The following FHL1 variants were observed in gnomAD, a reference collection of about 807,000 sequenced individuals.
FHL1 encodes four and a half LIM domains 1.
FHL1 carries 1 observed loss-of-function variant against 20.3 expected under a neutral mutation model. The ratio of observed to expected loss-of-function variants is 0.05; its 90% CI spans 0.02 to 0.23. The LOEUF (loss-of-function observed/expected upper bound fraction) is 0.23, where lower values mean the gene tolerates loss of function less well. Among genes scored for constraint, FHL1 ranks in the 10% least tolerant of loss-of-function variants. FHL1 has a pLI of 1.00. For synonymous variants in FHL1, 82 were observed against 88.9 expected (o/e 0.92, Z 0.44); for missense variants, 177 against 234.0 (o/e 0.76, Z 1.59).
At chrX:136,190,399 G>A (rs769152393) in intron 2 of FHL1, among the ~76,000 whole-genome samples, 1 of 111,854 alleles carries the variant, frequency 8.9e-6, no homozygotes, top group East Asian at 2.8e-4. Flanking sequence ...TCAGCTCTGC[G>A]TCAACTACTG....
chrX:136,185,175 A>G (rs1301816444), intron 2 of FHL1, among the ~76,000 whole-genome samples: 1 of 112,566 alleles, frequency 8.9e-6, no homozygotes, highest in East Asian at 2.8e-4. Context: ...AATTTGCTAA[A>G]AGTGTTTTAA....
intron 1 of FHL1, chrX:136,147,811 C>G (rs1350566698): frequency 9.3e-6 from 1 of 107,766 alleles, no homozygotes; most frequent in Non-Finnish European, 1.9e-5. Flanking sequence ...TCGCTGAGGC[C>G]GGGGGCCAGG....
At chrX:136,155,790 CT>C (rs943339992) in intron 1 of FHL1, among the ~76,000 whole-genome samples, 3 of 97,185 alleles carry the variant, frequency 3.1e-5, no homozygotes, top group African/African-American at 1.1e-4. Context: ...TACCTGTGGA[CT>C]GTTTGAAATG....
At chrX:136,205,645 A>G (rs905958739) in intron 1 of FHL1, among the ~76,000 whole-genome samples, 1 of 112,460 alleles carries the variant, frequency 8.9e-6, no homozygotes, top group Non-Finnish European at 1.9e-5. Flanking sequence ...CAGGGATTTA[A>G]CACTTTTCTG....
chrX:136,203,421 A>G (rs1018263100), intron 1 of FHL1, among the ~76,000 whole-genome samples: 3 of 112,236 alleles, frequency 2.7e-5, no homozygotes, highest in Admixed American at 9.4e-5. Context: ...CTAGGATTCA[A>G]AAATACCAAG....
At chrX:136,189,093 T>C (rs2073375419) in intron 2 of FHL1, among the ~76,000 whole-genome samples, 1 of 111,813 alleles carries the variant, frequency 8.9e-6, no homozygotes, top group Non-Finnish European at 1.9e-5. Flanking sequence ...GCTTATAAGG[T>C]AAACCCTTAT....
At chrX:136,184,892 G>GAC (rs1362259841) in intron 2 of FHL1, among the ~76,000 whole-genome samples, 1 of 111,833 alleles carries the variant, frequency 8.9e-6, no homozygotes, top group East Asian at 2.8e-4. Flanking sequence ...GGGAAAGCAA[G>GAC]ACAGATATTA....
chrX:136,176,280 T>TTA (rs1311751519), intron 2 of FHL1, among the ~76,000 whole-genome samples: 1 of 112,643 alleles, frequency 8.9e-6, no homozygotes, highest in African/African-American at 3.2e-5. Flanking sequence ...CTGATTTCCA[T>TTA]TAGATAAGCA....
chrX:136,208,380 C>G, intron 4 of FHL1, 75 bp from the exon 5 acceptor site: 1 of 1,083,280 alleles, frequency 9.2e-7, no homozygotes, highest in Non-Finnish European at 1.3e-6. Flanking sequence ...GCGCCCAGCA[C>G]AGTGCCTGGC....
chrX:136,172,057 C>T (rs1414023786), intron 2 of FHL1, among the ~76,000 whole-genome samples: 7 of 110,495 alleles, frequency 6.3e-5, no homozygotes, highest in African/African-American at 2.3e-4. Context: ...ACATGCCTGG[C>T]TAATTTTTGT....
chrX:136,163,870 GT>G (rs2072641077), intron 1 of FHL1, among the ~76,000 whole-genome samples: 1 of 112,069 alleles, frequency 8.9e-6, no homozygotes, highest in African/African-American at 3.2e-5. Flanking sequence ...AAAAAATGCT[GT>G]TTTTCTTTTA....
At chrX:136,208,792 T>C in intron 5 of FHL1, 151 bp downstream of exon 5, 1 of 578,138 alleles carries the variant, frequency 1.7e-6, no homozygotes, top group Non-Finnish European at 2.9e-6. Context: ...CCCCAAGAGT[T>C]TGGATTCGTC....
At position 136,208,765 on chromosome X, in the gene FHL1, T is replaced by C. The variant is rs770557728; in HGVS notation, c.736+124T>C. 900 of 706,875 alleles carry C rather than the reference T, an allele frequency of 1.3e-3. 4 individuals carry two copies. The highest frequency in any genetic ancestry group is 1.5e-4 in the Non-Finnish European group (66 of 452,765). 58.3% of individuals were successfully genotyped at this position (706,875 alleles called of 1,213,427 possible). A position where few individuals can be genotyped will look rare whatever the true frequency, so the allele number is the denominator to read the frequency against. Reference sequence around the variant, plus strand: ...AGAGAATGCCCTTCTCCCCCTGCTATTGTGGTCCCAAAGGCCCCCCAAGAG... The same window carrying C: ...AGAGAATGCCCTTCTCCCCCTGCTACTGTGGTCCCAAAGGCCCCCCAAGAG... On this transcript the variant is annotated intron_variant, in intron 5 of 5. Coordinates refer to ENST00000370683, the MANE Select transcript of FHL1 (RefSeq NM_001159699.2).
Position 136,208,517 on chromosome X carries a change from T to C in FHL1, c.612T>C (p.Cys204=), listed in dbSNP as rs752193492. ...DQPWHADCFV[C]VTCSKKLAGQ... is the part of the protein sequence containing the mutation. ...CCTGGCATGCCGATTGCTTTGTGTG[T>C]GTTACCTGCTCTAAGAAGCTGGCTG... Residue 204 remains cysteine, a synonymous_variant, in exon 5 of 6, where the codon TGT becomes TGC. Transcript: ENST00000370683. 61 of 1,211,639 alleles carry C rather than the reference T, an allele frequency of 5.0e-5. No individual in the cohort carries two copies. The highest frequency in any genetic ancestry group is 6.5e-5 in the Non-Finnish European group (58 of 895,437).
upstream of FHL1, among the ~76,000 whole-genome samples, chrX:136,164,752 G>A (rs1260495658): frequency 1.8e-5 from 2 of 111,292 alleles, no homozygotes; most frequent in Admixed American, 1.9e-4. Flanking sequence ...ATCTATGAAA[G>A]CAGACTCAGT....
At chrX:136,209,479 C>A in intron 5 of FHL1, 1 of 1,176,113 alleles carries the variant, frequency 8.5e-7, no homozygotes, top group Non-Finnish European at 1.2e-6. Context: ...AAGTTTGCCT[C>A]CTGGTGGCCA....
At chrX:136,207,439 C>T (rs766123961) in intron 3 of FHL1, 8 of 433,902 alleles carry the variant, frequency 1.8e-5, no homozygotes, top group East Asian at 3.8e-5. Flanking sequence ...CAGTATGTAG[C>T]GCTTTCTCAT....
At chrX:136,176,921 G>A (rs764810321) in intron 2 of FHL1, among the ~76,000 whole-genome samples, 1 of 107,957 alleles carries the variant, frequency 9.3e-6, no homozygotes, top group Middle Eastern at 4.7e-3. Flanking sequence ...CTGGACTCTC[G>A]AAAAGTGGAA....
intron 2 of FHL1, among the ~76,000 whole-genome samples, chrX:136,184,140 A>C (rs2073230559): frequency 8.9e-6 from 1 of 112,038 alleles, no homozygotes; most frequent in African/African-American, 3.2e-5. Flanking sequence ...AGGAAAATAA[A>C]CCCTATCCTG....
Sources: allele counts gnomAD v4.1 joint callset (sites outside exome capture counted in the v4.1 genomes callset), GRCh38; gene constraint gnomAD v4.1.1; transcripts MANE v1.5; gene names NCBI Gene and HGNC (gene_info 2026-07-23, HGNC 2026-07-21).